The following MLLT6 variants were observed in gnomAD, a reference collection of about 807,000 sequenced individuals.
MLLT6 encodes MLLT6, PHD finger containing.
In MLLT6, 22 loss-of-function variants were observed where a neutral mutation model predicts 103.0. That is an observed-to-expected ratio of 0.21 (90% CI 0.15 to 0.31). MLLT6 has a LOEUF of 0.31. MLLT6 is among the 10% of genes least tolerant of loss of function. The pLI is 1.00. For synonymous variants in MLLT6, 606 were observed against 623.5 expected, an observed-to-expected ratio of 0.97 and a Z score of 0.42; for missense variants, 1,199 against 1,441.7, an observed-to-expected ratio of 0.83 and a Z score of 2.73.
Position 38,707,848 on chromosome 17 carries a change from C to A in MLLT6, c.330C>A (p.Tyr110Ter), listed in dbSNP as rs780174315. ...VLTMEPIVLQ[Y>*]VPHDRFNKTC... ...CCATGGAGCCCATCGTGCTGCAGTA[C>A]GTGCCTCATGATCGCTTCAACAAGG... The change falls in exon 4 of 20, where the codon TAC becomes TAA. Residue 110 changes from tyrosine (Y) to a stop codon, truncating the protein, a stop_gained. Transcript: ENST00000621332. LOFTEE classifies it high-confidence loss of function. 6.2e-7 allele frequency: 1 copy of A among 1,612,678 alleles called. No individual in the cohort carries two copies. The highest frequency in any genetic ancestry group is 8.5e-7 in the Non-Finnish European group (1 of 1,179,238).
At chr17:38,706,905 C>A in intron 1 of MLLT6, 45 bp from the exon 2 acceptor site, 1 of 1,544,294 alleles carries the variant, frequency 6.5e-7, no homozygotes, top group South Asian at 1.2e-5. Context: ...GGGAAAAAGC[C>A]ACTGGCTGAC....
Position 38,717,779 on chromosome 17 carries a change from C to G in MLLT6, c.1834-66C>G, listed in dbSNP as rs958701984. The G allele has an allele frequency of 4.8e-6, 7 of 1,447,982 alleles. No individual in the cohort carries two copies. In the Admixed American group the frequency reaches 1.0e-4, roughly 21 times the overall value. 89.7% of individuals were successfully genotyped at this position (1,447,982 alleles called of 1,614,324 possible). A position where few individuals can be genotyped will look rare whatever the true frequency, so the allele number is the denominator to read the frequency against. On this transcript the variant is annotated intron_variant, in intron 11 of 19. Coordinates refer to ENST00000621332, the MANE Select transcript of MLLT6 (RefSeq NM_005937.4). Reference sequence around the variant, plus strand: ...CCCAGCACACCCGGCCCCCTGCACCCCGGTACACACAGTTGTGCTCTAGAT... The same window carrying G: ...CCCAGCACACCCGGCCCCCTGCACCGCGGTACACACAGTTGTGCTCTAGAT...
Position 38,709,685 on chromosome 17 carries a change from A to G in MLLT6, c.552+110A>G. ...CCTGGTGCTAGGAGGACAGAGAGGG[A>G]AAAAACCCAGTCCCTGCCCAAGAGG... On this transcript the variant is annotated intron_variant, in intron 6 of 19. Transcript: ENST00000621332. The surrounding 1 kb of genome is among the most constrained non-coding windows in gnomAD (Gnocchi z 4.3). The G allele has an allele frequency of 1.2e-6, 1 of 804,536 alleles. No homozygotes were observed. The highest frequency in any genetic ancestry group is 2.0e-5 in the Admixed American group (1 of 48,862). 49.8% of individuals were successfully genotyped at this position (804,536 alleles called of 1,614,324 possible). A position where few individuals can be genotyped will look rare whatever the true frequency, so the allele number is the denominator to read the frequency against.
At chr17:38,712,869 G>GCCC in intron 8 of MLLT6, 80 bp downstream of exon 8, 1 of 1,047,018 alleles carries the variant, frequency 9.6e-7, no homozygotes, top group Non-Finnish European at 1.5e-6. Context: ...AGAGGTTGGT[G>GCCC]AGTCAGGGAC....
At chr17:38,707,962 T>TC in intron 4 of MLLT6, 90 bp downstream of exon 4, 1 of 875,216 alleles carries the variant, frequency 1.1e-6, no homozygotes, top group Non-Finnish European at 1.9e-6. Context: ...TTTGATTCTG[T>TC]CCAACGAGCA....
chr17:38,720,591 C>T (rs1567929674), intron 15 of MLLT6, 22 bp downstream of exon 15: 5 of 1,612,660 alleles, frequency 3.1e-6, no homozygotes, highest in African/African-American at 2.7e-5. Context: ...CTGCCCAGCC[C>T]GGGAGAGAGG....
rs116587698 is a variant in MLLT6, at chr17:38,729,406, C to T, written c.*3808C>T. The T allele has an allele frequency of 2.9e-3, 679 of 233,584 alleles. 4 individuals carry two copies. The highest frequency in any genetic ancestry group is 0.013 in the African/African-American group (604 of 45,462). 14.5% of individuals were successfully genotyped at this position (233,584 alleles called of 1,614,324 possible). On this transcript the variant is annotated 3_prime_UTR_variant, in exon 20 of 20. Coordinates refer to ENST00000621332, the MANE Select transcript of MLLT6 (RefSeq NM_005937.4). ...CTCCCGACCACTTTGTCTTGACCTACTGAAAAGTTGGGAACTGAGGGGTGC... is the reference window on the plus strand; with the variant it reads ...CTCCCGACCACTTTGTCTTGACCTATTGAAAAGTTGGGAACTGAGGGGTGC...
rs1240509194 is a variant in MLLT6, at chr17:38,727,194, G to A, written c.*1596G>A. On this transcript the variant is annotated 3_prime_UTR_variant, in exon 20 of 20. Coordinates refer to ENST00000621332, the MANE Select transcript of MLLT6 (RefSeq NM_005937.4). The stretch of plus-strand genomic sequence containing the variant: ...GTATATTTTTGGCAACGACAGAAAC[G>A]TAGTGCAGATATATTTTTGCCTGTG... 1 of 228,458 alleles carries A rather than the reference G, an allele frequency of 4.4e-6. No individual in the cohort carries two copies. 14.2% of individuals were successfully genotyped at this position (228,458 alleles called of 1,614,324 possible). A position where few individuals can be genotyped will look rare whatever the true frequency, so the allele number is the denominator to read the frequency against.
intron 8 of MLLT6, chr17:38,713,518 A>G (rs1222906742): frequency 6.3e-6 from 1 of 159,528 alleles, no homozygotes. Flanking sequence ...CCTCCACCCC[A>G]TCTCAGACGG....
Position 38,716,894 on chromosome 17 carries a change from T to A in MLLT6, c.1564T>A (p.Ser522Thr), listed in dbSNP as rs769412714. The change falls in exon 10 of 20, where the codon TCC becomes ACC. Residue 522 changes from serine (S) to threonine (T), a missense_variant. Coordinates refer to ENST00000621332, the MANE Select transcript of MLLT6 (RefSeq NM_005937.4). This position sits in a 1 kb window ranked among gnomAD's most constrained non-coding sequence, Gnocchi z 5.6. Reference sequence around the variant, plus strand: ...CTTCTCTGGAGGTTCCCTGGTCAGCTCCGGCCTGGGAGGTCTGTCCTCCCG... The same window carrying A: ...CTTCTCTGGAGGTTCCCTGGTCAGCACCGGCCTGGGAGGTCTGTCCTCCCG... ...SPFSGGSLVS[S>T]GLGGLSSRTF... 6.2e-7 allele frequency: 1 copy of A among 1,613,724 alleles called. No individual in the cohort carries two copies. Among genetic ancestry groups the A allele is most frequent in the South Asian group, 1.1e-5 (1 of 90,996 alleles).
At position 38,719,904 on chromosome 17, in the gene MLLT6, G is replaced by A. The variant is rs1330245475; in HGVS notation, c.2155+9G>A. On this transcript the variant is annotated intron_variant, in intron 14 of 19. Coordinates refer to ENST00000621332, the MANE Select transcript of MLLT6 (RefSeq NM_005937.4). ...GGAGGCCGGCGTCAACAGTGAGGAG[G>A]GGTGGCGCCGGTCGGGACGCCTGCC... is the stretch of plus-strand genomic sequence containing the variant. 6 of 1,566,086 alleles carry A rather than the reference G, an allele frequency of 3.8e-6. No individual in the cohort carries two copies. The highest frequency in any genetic ancestry group is 4.3e-6 in the Non-Finnish European group (5 of 1,156,152).
Position 38,721,886 on chromosome 17 carries a change from C to T in MLLT6, c.2451C>T (p.His817=). The T allele has an allele frequency of 6.3e-7, 1 of 1,579,116 alleles. No homozygotes were observed. Among genetic ancestry groups the T allele is most frequent in the Non-Finnish European group, 8.6e-7 (1 of 1,169,488 alleles). ...NSLSTSSEDP[H]SGCPSRSSSS... ...TCCCCCTCCCTCCCCAGGACCCACA[C>T]TCAGGCTGCCCGAGCCGCAGCAGCT... is the stretch of plus-strand genomic sequence containing the variant. The change falls in exon 17 of 20, where the codon CAC becomes CAT. Residue 817 remains histidine (H), a synonymous_variant. Transcript: ENST00000621332.
At chr17:38,706,466 C>G (rs766943497) in intron 1 of MLLT6, among the ~76,000 whole-genome samples, 1 of 152,146 alleles carries the variant, frequency 6.6e-6, no homozygotes, top group Non-Finnish European at 1.5e-5. Flanking sequence ...CACCTGCCCT[C>G]AGCCTTGACT....
chr17:38,722,039 G>C lies in MLLT6; in HGVS notation c.2604G>C (p.Arg868=), dbSNP rs1296778405. Residue 868 remains arginine (R), a synonymous_variant, in exon 17 of 20, where the codon CGG becomes CGC. Transcript: ENST00000621332. ...CCCAGCCGCAGAACGGGTTGGGCCG[G>C]GCACCCGGGGCAGCGGGGCTGGGGG... The part of the protein sequence containing the change: ...LPPQPQNGLG[R]APGAAGLGAM... 3.5e-6 allele frequency: 5 copies of C among 1,417,636 alleles called. No homozygotes were observed. Among genetic ancestry groups the C allele is most frequent in the Non-Finnish European group, 3.7e-6 (4 of 1,089,364 alleles). 87.8% of individuals were successfully genotyped at this position (1,417,636 alleles called of 1,614,324 possible).
chr17:38,715,658 A>G lies in MLLT6; in HGVS notation c.866A>G (p.Gln289Arg), dbSNP rs779879500. The G allele has an allele frequency of 1.2e-6, 2 of 1,613,944 alleles. No individual in the cohort carries two copies. The highest frequency in any genetic ancestry group is 2.7e-5 in the African/African-American group (2 of 74,926). ...SSSSHHEAST[Q>R]ETSESSRESK... ...TCCTCCCACCACGAGGCCAGCACGC[A>G]GGAGACCTCTGAGAGCAGCAGGGAG... The change falls in exon 9 of 20, where the codon CAG (glutamine) becomes CGG (arginine). Residue 289 changes from glutamine to arginine, a missense_variant. Around this residue, in one of 7 missense-constraint regions of MLLT6, gnomAD observed 1,034 missense variants for 1,091.5 expected, o/e 0.95. Transcript: ENST00000621332.
At position 38,709,226 on chromosome 17, in the gene MLLT6, C is replaced by T. The variant is rs1487396488; in HGVS notation, c.408C>T (p.Ala136=). Residue 136 remains alanine (A), a synonymous_variant, in exon 5 of 20, where the codon GCC becomes GCT. Coordinates refer to ENST00000621332, the MANE Select transcript of MLLT6 (RefSeq NM_005937.4). This position sits in a 1 kb window ranked among gnomAD's most constrained non-coding sequence, Gnocchi z 4.3. ...GGGAGAGCAAGGCGGCCTCGGGAGC[C>T]TGCATGACCTGTAACCGCCATGGAT... The part of the protein sequence containing the change: ...QGRESKAASG[A]CMTCNRHGCR... 1.2e-6 allele frequency: 2 copies of T among 1,613,238 alleles called. No homozygotes were observed. The highest frequency in any genetic ancestry group is 1.7e-5 in the Admixed American group (1 of 59,662).
Position 38,716,808 on chromosome 17 carries a change from C to G in MLLT6, c.1478C>G (p.Pro493Arg). 1 of 1,611,804 alleles carries G rather than the reference C, an allele frequency of 6.2e-7. No homozygotes were observed. The highest frequency in any genetic ancestry group is 8.5e-7 in the Non-Finnish European group (1 of 1,178,988). The change falls in exon 10 of 20, where the codon CCA becomes CGA. Residue 493 changes from proline to arginine, a missense_variant. Coordinates refer to ENST00000621332, the MANE Select transcript of MLLT6 (RefSeq NM_005937.4). This position sits in a 1 kb window ranked among gnomAD's most constrained non-coding sequence, Gnocchi z 5.6. ...GSRNKEGTGG[P>R]AAPSLPSAQL... ...CGGAACAAGGAGGGCACTGGGGGCC[C>G]AGCTGCCCCATCCTTGCCCAGTGCC...
rs1164063433 is a variant in MLLT6 at position 38,726,171 on chromosome 17, G to C, written c.*573G>C. 11 of 233,952 alleles carry C rather than the reference G, an allele frequency of 4.7e-5. No individual in the cohort carries two copies. The highest frequency in any genetic ancestry group is 9.3e-5 in the Non-Finnish European group (11 of 118,306). 14.5% of individuals were successfully genotyped at this position (233,952 alleles called of 1,614,324 possible). ...AAAAGCCCACAGATGTTGGGGGCTGGAGAAGGGGCAGGAGAGCATCACACT... is the reference window on the plus strand; with the variant it reads ...AAAAGCCCACAGATGTTGGGGGCTGCAGAAGGGGCAGGAGAGCATCACACT... On this transcript the variant is annotated 3_prime_UTR_variant, in exon 20 of 20. Coordinates refer to ENST00000621332, the MANE Select transcript of MLLT6 (RefSeq NM_005937.4).
At chr17:38,708,799 G>A (rs1905037667) in intron 4 of MLLT6, among the ~76,000 whole-genome samples, 1 of 152,188 alleles carries the variant, frequency 6.6e-6, no homozygotes, top group African/African-American at 2.4e-5. Flanking sequence ...GGAGGTTGAG[G>A]CAGGAGAATC....
Sources: gnomAD v4.1 joint callset for allele counts (sites outside exome capture counted in the v4.1 genomes callset) on GRCh38, gnomAD v4.1.1 for gene constraint, gnomAD v4.1.1 regional missense constraint, Gnocchi (gnomAD v3.1) non-coding constraint, MANE v1.5 for transcripts, NCBI Gene and HGNC (gene_info 2026-07-23, HGNC 2026-07-21) for gene names.